PCDH15: variants seen among roughly 807,000 people sequenced by gnomAD.
PCDH15 encodes the protein protocadherin related 15, also known as protocadherin-15.
Under a neutral mutation model 178.5 loss-of-function variants are expected in PCDH15, and 129 were observed. The ratio of observed to expected loss-of-function variants is 0.72; its 90% CI spans 0.63 to 0.84. PCDH15 has a LOEUF of 0.84. PCDH15 is among the 40% of genes least tolerant of loss of function. PCDH15 has a pLI of 0.00. For missense variants in PCDH15, 2,230 were observed against 2,099.9 expected, an observed-to-expected ratio of 1.06 and a Z score of -1.21; for synonymous variants, 800 against 732.0, an observed-to-expected ratio of 1.09 and a Z score of -1.50.
intron 13 of PCDH15, among the ~76,000 whole-genome samples, chr10:54,156,621 A>T (rs897107399): frequency 4.6e-5 from 7 of 152,288 alleles, no homozygotes; most frequent in African/African-American, 1.7e-4. Context: ...CATCCAAACC[A>T]TATCATTCCA....
intron 9 of PCDH15, among the ~76,000 whole-genome samples, chr10:54,232,148 C>G (rs1312441365): frequency 1.3e-5 from 2 of 152,108 alleles, no homozygotes; most frequent in African/African-American, 4.8e-5. Flanking sequence ...GGAGGAGGGA[C>G]CTGGTAGGAG....
intron 10 of PCDH15, among the ~76,000 whole-genome samples, chr10:54,197,591 AC>A (rs1409314805): frequency 1.3e-5 from 2 of 152,176 alleles, no homozygotes; most frequent in Non-Finnish European, 2.9e-5. Context: ...ATAGATAGTG[AC>A]AGTACTTTGT....
chr10:55,550,121 G>C (rs926938695), intron 2 of PCDH15, among the ~76,000 whole-genome samples: 1 of 151,576 alleles, frequency 6.6e-6, no homozygotes, highest in Non-Finnish European at 1.5e-5. Flanking sequence ...TTCATGTCTT[G>C]TGCAATGTCT....
chr10:53,807,161 C>CTATCAAATAAATTAAAAAGGCAATG, intron 37 of PCDH15, 31 bp from the exon 38 acceptor site: 1 of 1,504,428 alleles, frequency 6.6e-7, no homozygotes, highest in South Asian at 1.3e-5. Context: ...ATGTGAGTCA[C>CTATCAAATAAATTAAAAAGGCAATG]TATCAAATAA....
intron 2 of PCDH15, among the ~76,000 whole-genome samples, chr10:55,609,951 A>G (rs139762505): frequency 6.6e-6 from 1 of 152,162 alleles, no homozygotes; most frequent in African/African-American, 2.4e-5. Flanking sequence ...GCAAACTGTC[A>G]TAATAAGGAG....
chr10:53,953,890 T>C (rs952968146), intron 23 of PCDH15, among the ~76,000 whole-genome samples: 5 of 152,130 alleles, frequency 3.3e-5, no homozygotes, highest in Admixed American at 6.6e-5. Context: ...CTTGGGTTCA[T>C]GCCATTCTTC....
intron 9 of PCDH15, among the ~76,000 whole-genome samples, chr10:54,217,520 T>G (rs1330320548): frequency 6.6e-6 from 1 of 152,190 alleles, no homozygotes; most frequent in Non-Finnish European, 1.5e-5. Flanking sequence ...AAAGCTGGAT[T>G]CTTGGCAGGG....
intron 16 of PCDH15, among the ~76,000 whole-genome samples, chr10:54,086,432 G>T (rs980432958): frequency 3.9e-5 from 6 of 152,236 alleles, no homozygotes; most frequent in Non-Finnish European, 1.5e-5. Context: ...TCAAAATGAG[G>T]TTTGGAGTGT....
chr10:54,823,877 A>G (rs1953086128), intron 3 of PCDH15, among the ~76,000 whole-genome samples: 1 of 152,214 alleles, frequency 6.6e-6, no homozygotes, highest in South Asian at 2.1e-4. Context: ...AGATTTTTGC[A>G]AAAAGCTTAT....
chr10:55,401,593 A>AGTGT (rs1565100632), intron 2 of PCDH15, among the ~76,000 whole-genome samples: 1 of 73,690 alleles, frequency 1.4e-5, no homozygotes, highest in East Asian at 3.5e-4. Context: ...AATTTGCCTT[A>AGTGT]CTGTGTGTGT....
intron 2 of PCDH15, among the ~76,000 whole-genome samples, chr10:55,117,525 G>A (rs1343546231): frequency 6.6e-6 from 1 of 152,100 alleles, no homozygotes; most frequent in Non-Finnish European, 1.5e-5. Flanking sequence ...CATTTTCTAG[G>A]GAATGTAAAA....
intron 3 of PCDH15, among the ~76,000 whole-genome samples, chr10:54,409,938 C>G (rs1237154363): frequency 6.6e-6 from 1 of 152,128 alleles, no homozygotes; most frequent in Non-Finnish European, 1.5e-5. Context: ...CTTGGACTTC[C>G]AAGCCTCCAG....
chr10:54,175,717 T>C (rs767137111), intron 13 of PCDH15, among the ~76,000 whole-genome samples: 1 of 152,224 alleles, frequency 6.6e-6, no homozygotes, highest in Non-Finnish European at 1.5e-5. Context: ...GTCTTTAAAT[T>C]GGATTCTACT....
At chr10:55,402,802 T>C (rs1254159136) in intron 2 of PCDH15, among the ~76,000 whole-genome samples, 1 of 151,982 alleles carries the variant, frequency 6.6e-6, no homozygotes, top group African/African-American at 2.4e-5. Flanking sequence ...AGGTGTCCCT[T>C]TGATATAAAG....
chr10:53,999,843 C>T (rs939365896), intron 20 of PCDH15, among the ~76,000 whole-genome samples: 3 of 152,146 alleles, frequency 2.0e-5, no homozygotes, highest in Admixed American at 6.5e-5. Context: ...GACCCATGGC[C>T]TTGAACAAAC....
intron 2 of PCDH15, among the ~76,000 whole-genome samples, chr10:54,903,493 T>C (rs955031788): frequency 4.0e-5 from 6 of 151,850 alleles, no homozygotes; most frequent in Non-Finnish European, 7.4e-5. Flanking sequence ...AGGTCACATA[T>C]AATATTGTAA....
chr10:54,038,389 T>G (rs886087099), intron 18 of PCDH15, among the ~76,000 whole-genome samples: 2 of 151,858 alleles, frequency 1.3e-5, no homozygotes, highest in Non-Finnish European at 2.9e-5. Context: ...TGGGGTATGC[T>G]TTGGGGGTCA....
chr10:53,995,179 A>G lies in PCDH15; in HGVS notation c.2868+470T>C, dbSNP rs151245112. 9.3e-4 allele frequency: 154 copies of G among 165,906 alleles called. 1 individual carries two copies. Among genetic ancestry groups the G allele is most frequent in the Middle Eastern group, 3.0e-3 (1 of 330 alleles). The allele number at this position is 165,906 out of a possible 1,614,324, so 10.3% of individuals were successfully genotyped here. ...GGATATCTCAAAAAAGTAAAGTTCT[A>G]TATGATAAAAGAATGTTAACTATTT... On this transcript the variant is annotated intron_variant, in intron 21 of 37. Coordinates refer to ENST00000644397, the MANE Select transcript of PCDH15 (RefSeq NM_001384140.1).
intron 2 of PCDH15, among the ~76,000 whole-genome samples, chr10:54,566,487 C>A (rs2089053315): frequency 6.6e-6 from 1 of 152,090 alleles, no homozygotes; most frequent in Admixed American, 6.6e-5. Context: ...CTGTTCTCTG[C>A]CGATTCATTT....
Sources: allele counts gnomAD v4.1 joint callset (sites outside exome capture counted in the v4.1 genomes callset), GRCh38; gene constraint gnomAD v4.1.1; transcripts MANE v1.5; gene names NCBI Gene and HGNC (gene_info 2026-07-23, HGNC 2026-07-21).